The following ERC2 variants were observed in gnomAD, a reference collection of about 807,000 sequenced individuals.
The protein encoded by ERC2 is ELKS/RAB6-interacting/CAST family member 2, also known as ERC protein 2.
Under a neutral mutation model 114.8 loss-of-function variants are expected in ERC2, and 42 were observed. The ratio of observed to expected loss-of-function variants is 0.37; its 90% CI spans 0.29 to 0.47. ERC2 has a LOEUF of 0.47. Among genes scored for constraint, ERC2 ranks in the 20% least tolerant of loss-of-function variants. The pLI, the probability that ERC2 is intolerant of heterozygous loss-of-function variation, is 0.99. For missense variants in ERC2, 939 were observed against 1,150.7 expected (o/e 0.82, Z 2.66); for synonymous variants, 454 against 425.5 (o/e 1.07, Z -0.82).
intron 14 of ERC2, among the ~76,000 whole-genome samples, chr3:55,804,119 G>C (rs1468189591): frequency 6.6e-6 from 1 of 152,168 alleles, no homozygotes; most frequent in Non-Finnish European, 1.5e-5. Flanking sequence ...AAAGTCTGTA[G>C]CATTCTCAAA....
At chr3:55,889,354 C>T (rs1015500762) in intron 13 of ERC2, among the ~76,000 whole-genome samples, 2 of 152,152 alleles carry the variant, frequency 1.3e-5, no homozygotes, top group African/African-American at 2.4e-5. Context: ...AAACAGAATT[C>T]CAGCCACAAA....
At chr3:55,771,420 C>A (rs1028659052) in intron 14 of ERC2, among the ~76,000 whole-genome samples, 5 of 152,260 alleles carry the variant, frequency 3.3e-5, no homozygotes, top group African/African-American at 1.2e-4. Flanking sequence ...TCACGTCCAC[C>A]CTGCTACCAT....
At chr3:55,698,869 G>A (rs371256834) in intron 16 of ERC2, among the ~76,000 whole-genome samples, 1 of 152,164 alleles carries the variant, frequency 6.6e-6, no homozygotes, top group East Asian at 1.9e-4. Context: ...AGTCAAGGGA[G>A]GAGATAGGGT....
chr3:55,864,091 C>T (rs1403042772), intron 14 of ERC2, among the ~76,000 whole-genome samples: 2 of 134,840 alleles, frequency 1.5e-5, no homozygotes, highest in Non-Finnish European at 3.1e-5. Flanking sequence ...CATAAATCAG[C>T]AGCAGGTATA....
chr3:56,148,999 T>C lies in ERC2; in HGVS notation c.1283A>G (p.His428Arg). 1 of 1,613,342 alleles carries C rather than the reference T, an allele frequency of 6.2e-7. No individual in the cohort carries two copies. The highest frequency in any genetic ancestry group is 2.2e-5 in the East Asian group (1 of 44,832). ...TACCTTGGTCTTCATAAACTTGGAG[T>C]GACTTTTGTAAACCTCAATTTGTTT... The part of the protein sequence containing the change: ...EIKQIEVYKS[H>R]SKFMKTKIDQ... Residue 428 changes from histidine (H) to arginine (R), a missense_variant, in exon 5 of 18, where the codon CAC becomes CGC. His to Arg is a conservative substitution (Grantham distance 29). Around this residue, in one of 5 missense-constraint regions of ERC2, gnomAD observed 148 missense variants for 159.1 expected, o/e 0.93. Coordinates refer to ENST00000288221, the MANE Select transcript of ERC2 (RefSeq NM_015576.3).
At chr3:55,857,684 T>C (rs900854418) in intron 14 of ERC2, among the ~76,000 whole-genome samples, 3 of 152,124 alleles carry the variant, frequency 2.0e-5, no homozygotes. Context: ...ATGATGATGA[T>C]TACAATTGTT....
At chr3:55,604,001 G>A (rs570350038) in intron 17 of ERC2, among the ~76,000 whole-genome samples, 34 of 151,696 alleles carry the variant, frequency 2.2e-4, no homozygotes, top group South Asian at 1.1e-3. Context: ...CTCCGGCCAC[G>A]TTTATTCAGT....
chr3:55,700,712 C>A, intron 15 of ERC2, among the ~76,000 whole-genome samples: 1 of 152,074 alleles, frequency 6.6e-6, no homozygotes, highest in East Asian at 1.9e-4. Flanking sequence ...AATCTAGGAG[C>A]CTTTTCCTCA....
intron 2 of ERC2, among the ~76,000 whole-genome samples, chr3:56,380,275 C>G (rs993332470): frequency 4.6e-5 from 7 of 152,054 alleles, no homozygotes; most frequent in African/African-American, 1.7e-4. Context: ...GAGGTCCTGT[C>G]GCTAATAAGT....
At chr3:56,333,002 T>C (rs148003286) in intron 2 of ERC2, among the ~76,000 whole-genome samples, 188 of 152,344 alleles carry the variant, frequency 1.2e-3, no homozygotes, top group African/African-American at 4.2e-3. Flanking sequence ...AATGAATTCT[T>C]AGGAGAAATA....
At chr3:55,907,658 G>A (rs1035506375) in intron 13 of ERC2, among the ~76,000 whole-genome samples, 12 of 152,180 alleles carry the variant, frequency 7.9e-5, no homozygotes, top group Non-Finnish European at 1.3e-4. Context: ...AAACACAGAC[G>A]CTGAGTTTGG....
chr3:56,025,335 A>C (rs1311040297), intron 7 of ERC2, among the ~76,000 whole-genome samples: 1 of 152,242 alleles, frequency 6.6e-6, no homozygotes, highest in Non-Finnish European at 1.5e-5. Flanking sequence ...GCATCAGATC[A>C]GAAGTCTGGG....
intron 14 of ERC2, among the ~76,000 whole-genome samples, chr3:55,870,266 G>A (rs1317127369): frequency 1.3e-5 from 2 of 151,988 alleles, no homozygotes; most frequent in African/African-American, 4.8e-5. Flanking sequence ...GTAGAGATGG[G>A]GTTTCATCAT....
intron 14 of ERC2, among the ~76,000 whole-genome samples, chr3:55,872,357 A>G (rs1003381865): frequency 1.3e-5 from 2 of 152,148 alleles, no homozygotes; most frequent in African/African-American, 4.8e-5. Context: ...CAGGCTTCTC[A>G]TGGCAATTTC....
chr3:55,768,940 A>C lies in ERC2; in HGVS notation c.2565-34022T>G, dbSNP rs537881418. 3.8e-4 allele frequency among the ~76,000 whole-genome samples: 58 copies of C among 152,300 alleles called. 1 individual carries two copies. Among genetic ancestry groups the C allele is most frequent in the Admixed American group, 8.5e-4 (13 of 15,294 alleles). On this transcript the variant is annotated intron_variant, in intron 14 of 17. Transcript: ENST00000288221. ...GATTATCCCTGTGGCCACTGTGTGGATAGATCTTAGGACGGGAGAAAAATC... is the reference window on the plus strand; with the variant it reads ...GATTATCCCTGTGGCCACTGTGTGGCTAGATCTTAGGACGGGAGAAAAATC...
At chr3:55,781,969 C>T (rs890683523) in intron 14 of ERC2, among the ~76,000 whole-genome samples, 4 of 151,728 alleles carry the variant, frequency 2.6e-5, no homozygotes, top group East Asian at 1.9e-4. Context: ...CTTAACTCCA[C>T]GTTGTTTCCC....
At chr3:56,207,246 C>A (rs10433620) in intron 3 of ERC2, among the ~76,000 whole-genome samples, 68,889 of 151,452 alleles carry the variant, frequency 0.45, 16,137 homozygotes, top group East Asian at 0.72. Flanking sequence ...TTTTAATAAC[C>A]TTTTCCCTAA....
At chr3:56,436,876 A>G (rs1271530854) in intron 1 of ERC2, among the ~76,000 whole-genome samples, 1 of 152,256 alleles carries the variant, frequency 6.6e-6, no homozygotes, top group Non-Finnish European at 1.5e-5. Flanking sequence ...AACTTCAAAG[A>G]GTGTGAAACC....
intron 17 of ERC2, among the ~76,000 whole-genome samples, chr3:55,556,742 A>T (rs554220797): frequency 1.3e-5 from 2 of 152,332 alleles, no homozygotes; most frequent in African/African-American, 4.8e-5. Flanking sequence ...ACATCATCTG[A>T]GCCCCTGGGA....
Sources: allele counts gnomAD v4.1 joint callset (sites outside exome capture counted in the v4.1 genomes callset), GRCh38; gene constraint gnomAD v4.1.1; regional missense constraint gnomAD v4.1.1; transcripts MANE v1.5; gene names NCBI Gene and HGNC (gene_info 2026-07-23, HGNC 2026-07-21).